ZFAT: variants seen among roughly 807,000 people sequenced by gnomAD.
ZFAT encodes zinc finger and AT-hook domain containing, also known as zinc finger protein ZFAT.
Under a neutral mutation model 117.7 loss-of-function variants are expected in ZFAT, and 64 were observed. The ratio of observed to expected loss-of-function variants is 0.54; its 90% CI spans 0.44 to 0.67. ZFAT has a LOEUF of 0.67. Ranked by LOEUF, ZFAT falls within the 30% of genes least tolerant of loss-of-function variation. The pLI is 0.00. For missense variants in ZFAT, 1,433 were observed against 1,584.5 expected, an observed-to-expected ratio of 0.90 and a Z score of 1.62; for synonymous variants, 679 against 615.0, an observed-to-expected ratio of 1.10 and a Z score of -1.54.
At chr8:134,691,944 C>T (rs181371399) in intron 1 of ZFAT, among the ~76,000 whole-genome samples, 45 of 152,272 alleles carry the variant, frequency 3.0e-4, no homozygotes, top group African/African-American at 1.0e-3. Context: ...ACTAACTGAA[C>T]CCTCCTGGGT....
intron 13 of ZFAT, among the ~76,000 whole-genome samples, chr8:134,512,977 T>C (rs1186858842): frequency 6.6e-6 from 1 of 152,194 alleles, no homozygotes; most frequent in African/African-American, 2.4e-5. Context: ...ATCTGTGCCT[T>C]ACCCTGGGGA....
rs1827534543 is a variant in ZFAT at position 134,602,162 on chromosome 8, C to T, written c.1557G>A (p.Val519=). The part of the protein sequence containing the change: ...QEALGDQLQL[V]EEEFALQGVN... ...CGCCCTGGAGGGCAAACTCCTCTTC[C>T]ACCAGCTGTAGCTGGTCCCCCAGAG... The change falls in exon 6 of 16, where the codon GTG becomes GTA. Residue 519 remains valine (V), a synonymous_variant. Coordinates refer to ENST00000377838, the MANE Select transcript of ZFAT (RefSeq NM_020863.4). The T allele has an allele frequency of 7.4e-6, 12 of 1,613,298 alleles. No homozygotes were observed. The highest frequency in any genetic ancestry group is 2.2e-5 in the East Asian group (1 of 44,882).
chr8:134,549,212 C>T (rs961182454), intron 11 of ZFAT, among the ~76,000 whole-genome samples: 14 of 152,106 alleles, frequency 9.2e-5, no homozygotes, highest in Admixed American at 9.2e-4. Context: ...GAGGCCGAGG[C>T]AGGCGGATCA....
chr8:134,492,565 G>A (rs925673296), intron 15 of ZFAT, among the ~76,000 whole-genome samples: 3 of 152,196 alleles, frequency 2.0e-5, no homozygotes, highest in Non-Finnish European at 4.4e-5. Context: ...CCAGGGATTA[G>A]GGCTTCACTC....
At chr8:134,701,172 T>C (rs957195612) in intron 1 of ZFAT, among the ~76,000 whole-genome samples, 6 of 152,206 alleles carry the variant, frequency 3.9e-5, no homozygotes, top group Non-Finnish European at 5.9e-5. Flanking sequence ...AAACACTAAC[T>C]CCGGATGCCT....
At chr8:134,650,169 C>CTGGA (rs890983011) in intron 2 of ZFAT, among the ~76,000 whole-genome samples, 9 of 150,298 alleles carry the variant, frequency 6.0e-5, no homozygotes, top group African/African-American at 2.2e-4. Flanking sequence ...GTCACCCAGG[C>CTGGA]TGGAGTGTAG....
chr8:134,559,500 G>A (rs545109678), intron 11 of ZFAT, among the ~76,000 whole-genome samples: 1 of 152,178 alleles, frequency 6.6e-6, no homozygotes, highest in African/African-American at 2.4e-5. Context: ...GGATAACCCT[G>A]CACAGTAAGC....
the ZFAT span, chr8:134,723,753 G>A: frequency 7.2e-5 from 11 of 152,266 alleles, no homozygotes; most frequent in African/African-American, 2.2e-4. Context: ...ACAACTTGAC[G>A]AACACACATT....
intron 11 of ZFAT, among the ~76,000 whole-genome samples, chr8:134,553,830 C>T (rs1224811922): frequency 1.3e-5 from 2 of 152,194 alleles, no homozygotes; most frequent in Non-Finnish European, 2.9e-5. Flanking sequence ...GGGGAGAGTG[C>T]TTGCCCAAGG....
intron 13 of ZFAT, among the ~76,000 whole-genome samples, chr8:134,517,746 T>A (rs573187602): frequency 3.3e-5 from 5 of 152,230 alleles, no homozygotes; most frequent in Admixed American, 3.3e-4. Flanking sequence ...TTTCCATATC[T>A]TTCATGACCT....
chr8:134,637,721 G>A lies in ZFAT; in HGVS notation c.197-9C>T, dbSNP rs752747350. ...CTTCATGACCAAAAACTCTACAGAG[G>A]AAACAAGAGGGCACAATGGAATCAC... On this transcript the variant is annotated splice_polypyrimidine_tract_variant and intron_variant, in intron 2 of 15. Transcript: ENST00000377838. 15 of 1,611,076 alleles carry A rather than the reference G, an allele frequency of 9.3e-6. No individual in the cohort carries two copies. The highest frequency in any genetic ancestry group is 1.3e-5 in the Non-Finnish European group (15 of 1,177,892).
At chr8:134,828,658 C>A in the ZFAT span, among the ~76,000 whole-genome samples, 1 of 152,222 alleles carries the variant, frequency 6.6e-6, no homozygotes, top group Admixed American at 6.5e-5. Flanking sequence ...CAAATAAGTT[C>A]TCCTATTAAC....
At chr8:134,713,121 C>G (rs765564582), upstream of ZFAT, 190 of 384,772 alleles carry the variant, frequency 4.9e-4, 2 homozygotes, top group Admixed American at 1.2e-3. Flanking sequence ...GAGCGCGGCC[C>G]GGCAGGGCCG....
In ZFAT at chr8:134,520,955, C is replaced by A; in HGVS notation, c.3162G>T (p.Trp1054Cys). Residue 1054 changes from tryptophan to cysteine, a missense_variant, in exon 13 of 16, where the codon TGG (tryptophan) becomes TGT (cysteine). Around this residue, in one of 5 missense-constraint regions of ZFAT, gnomAD observed 503 missense variants for 543.4 expected, o/e 0.93. Coordinates refer to ENST00000377838, the MANE Select transcript of ZFAT (RefSeq NM_020863.4). The part of the protein sequence containing the change: ...PVCSFVYGTK[W>C]EFNRHLKNKH... ...TGTTCTTCAAGTGCCTATTGAACTCCCATTTGGTGCCATATACAAAGCTGC... is the reference window on the plus strand; with the variant it reads ...TGTTCTTCAAGTGCCTATTGAACTCACATTTGGTGCCATATACAAAGCTGC... 1.2e-6 allele frequency: 2 copies of A among 1,613,848 alleles called. No individual in the cohort carries two copies. The highest frequency in any genetic ancestry group is 1.7e-6 in the Non-Finnish European group (2 of 1,179,828).
chr8:134,584,940 T>C (rs1375923421), intron 9 of ZFAT, among the ~76,000 whole-genome samples: 1 of 152,214 alleles, frequency 6.6e-6, no homozygotes, highest in African/African-American at 2.4e-5. Context: ...GAGGGCAATG[T>C]CCAGGGGCGC....
intron 15 of ZFAT, among the ~76,000 whole-genome samples, chr8:134,485,076 G>C (rs1817573523): frequency 6.6e-6 from 1 of 152,186 alleles, no homozygotes; most frequent in Non-Finnish European, 1.5e-5. Context: ...TGTGTGAAGA[G>C]TCTACGTGTA....
At chr8:134,545,002 T>C (rs1340366610) in intron 11 of ZFAT, among the ~76,000 whole-genome samples, 1 of 152,176 alleles carries the variant, frequency 6.6e-6, no homozygotes, top group Non-Finnish European at 1.5e-5. Context: ...ACACACGTCA[T>C]GAGTCCACAG....
chr8:134,657,612 G>A lies in ZFAT; in HGVS notation c.145C>T (p.Leu49Phe). 6.2e-7 allele frequency: 1 copy of A among 1,613,996 alleles called. No individual in the cohort carries two copies. Among genetic ancestry groups the A allele is most frequent in the Non-Finnish European group, 8.5e-7 (1 of 1,180,008 alleles). Residue 49 changes from leucine to phenylalanine, a missense_variant, in exon 2 of 16, where the codon CTT (leucine) becomes TTT (phenylalanine). Physicochemically the swap from Leu to Phe is conservative, Grantham distance 22. This residue lies in a region of ZFAT where 436 missense variants were observed against 482.0 expected (regional missense o/e 0.90). Coordinates refer to ENST00000377838, the MANE Select transcript of ZFAT (RefSeq NM_020863.4). ...GGTTCAGGTGTACTCAGAGGCCTAA[G>A]GGGAATAATAATCTCATCAACATTA... ...GVNVDEIIIP[L>F]RPLSTPEPPN... is the part of the protein sequence containing the mutation.
At chr8:134,615,175 C>T (rs578051492) in intron 3 of ZFAT, among the ~76,000 whole-genome samples, 7 of 152,058 alleles carry the variant, frequency 4.6e-5, no homozygotes, top group Admixed American at 6.5e-5. Context: ...ACTCTGGCAG[C>T]GGCTAAGGTG....
Sources: gnomAD v4.1 joint callset for allele counts (sites outside exome capture counted in the v4.1 genomes callset) on GRCh38, gnomAD v4.1.1 for gene constraint, gnomAD v4.1.1 regional missense constraint, MANE v1.5 for transcripts, NCBI Gene and HGNC (gene_info 2026-07-23, HGNC 2026-07-21) for gene names.